Variants in SNX25 observed in about 807,000 individuals in gnomAD.
SNX25 encodes sorting nexin 25.
Under a neutral mutation model 113.7 loss-of-function variants are expected in SNX25, and 62 were observed. The ratio of observed to expected loss-of-function variants is 0.55; its 90% confidence interval spans 0.44 to 0.67. The LOEUF (loss-of-function observed/expected upper bound fraction) is 0.67. Ranked by LOEUF, SNX25 falls within the 30% of genes least tolerant of loss-of-function variation. The pLI is 0.00. For missense variants in SNX25, 1,014 were observed against 1,161.0 expected (o/e 0.87, Z 1.84); for synonymous variants, 421 against 436.2 (o/e 0.97, Z 0.43).
rs58762122 is a variant in SNX25, at chr4:185,300,840, G to GACACACACACACACACACAC, written c.1163-9779_1163-9760dup. 5.5e-3 allele frequency among the ~76,000 whole-genome samples: 773 copies of GACACACACACACACACACAC among 140,760 alleles called. 5 individuals carry two copies. Among genetic ancestry groups the GACACACACACACACACACAC allele is most frequent in the Admixed American group, 0.011 (156 of 13,766 alleles). The allele number at this position is 140,760 out of a possible 152,430, so 92.3% of individuals were successfully genotyped here. A position where few individuals can be genotyped will look rare whatever the true frequency, so the allele number is the denominator to read the frequency against. ...ATGCCTGTGGTATTATGATTATTAT[G>GACACACACACACACACACAC]ACACACACACACACACACACACACA... On this transcript the variant is annotated intron_variant, in intron 6 of 18. Transcript: ENST00000652585.
At chr4:185,295,049 C>T (rs897813513) in intron 6 of SNX25, among the ~76,000 whole-genome samples, 18 of 152,070 alleles carry the variant, frequency 1.2e-4, no homozygotes, top group African/African-American at 4.3e-4. Context: ...GATTGACCTT[C>T]CCTTTAATTT....
rs560255188 is a variant in SNX25, at chr4:185,326,501, TGACAAG to T, written c.1749+2704_1749+2709del. On this transcript the variant is annotated intron_variant, in intron 9 of 18. Coordinates refer to ENST00000652585, the MANE Select transcript of SNX25 (RefSeq NM_001378034.2). ...GGGTAGCCATAGTTAAAGACACAAT[TGACAAG>T]GAAATCTGTTACCTGTGTGGCACAA... Among the ~76,000 whole-genome samples the T allele has an allele frequency of 2.3e-3, 357 of 152,252 alleles. 1 individual carries two copies. Among genetic ancestry groups the T allele is most frequent in the Non-Finnish European group, 2.2e-3 (148 of 68,004 alleles).
intron 6 of SNX25, among the ~76,000 whole-genome samples, chr4:185,288,855 C>T (rs1330018300): frequency 6.6e-6 from 1 of 152,208 alleles, no homozygotes. Context: ...GCAGCAAACA[C>T]TGCTTTCACC....
intron 1 of SNX25, among the ~76,000 whole-genome samples, chr4:185,239,200 T>TG (rs1263737992): frequency 1.3e-5 from 2 of 152,146 alleles, no homozygotes; most frequent in Non-Finnish European, 2.9e-5. Context: ...AAAAGTTTTC[T>TG]GCCAGGCGCG....
intron 13 of SNX25, among the ~76,000 whole-genome samples, chr4:185,347,348 G>C (rs1299671675): frequency 5.3e-5 from 8 of 152,194 alleles, no homozygotes; most frequent in African/African-American, 1.9e-4. Flanking sequence ...TAAGGGTTCT[G>C]ATTGCTCCAC....
chr4:185,321,026 C>T (rs556247491), intron 8 of SNX25, among the ~76,000 whole-genome samples, 162 bp downstream of exon 8: 1 of 152,128 alleles, frequency 6.6e-6, no homozygotes, highest in South Asian at 2.1e-4. Flanking sequence ...AATAAAATTA[C>T]ATTATATTTT....
intron 9 of SNX25, 148 bp downstream of exon 9, chr4:185,323,948 A>G (rs1432246171): frequency 2.5e-6 from 2 of 787,956 alleles, no homozygotes; most frequent in Non-Finnish European, 4.0e-6. Flanking sequence ...GCATCGTTTA[A>G]TATACAAGAC....
chr4:185,304,744 C>T (rs562961719), intron 6 of SNX25, among the ~76,000 whole-genome samples: 1 of 152,296 alleles, frequency 6.6e-6, no homozygotes, highest in Admixed American at 6.5e-5. Context: ...CCACTTCAGC[C>T]CTGCACAGTG....
chr4:185,255,166 C>T (rs911845037), intron 2 of SNX25, among the ~76,000 whole-genome samples: 1 of 151,874 alleles, frequency 6.6e-6, no homozygotes, highest in African/African-American at 2.4e-5. Context: ...CAGAGTCTCG[C>T]TCTGTCGCCC....
chr4:185,254,122 C>G (rs906829474), intron 2 of SNX25, among the ~76,000 whole-genome samples: 5 of 152,120 alleles, frequency 3.3e-5, no homozygotes, highest in African/African-American at 1.2e-4. Context: ...ATGACTTTTC[C>G]CACCCTTTAG....
chr4:185,342,160 GA>G, intron 12 of SNX25, 44 bp downstream of exon 12: 1 of 1,477,210 alleles, frequency 6.8e-7, no homozygotes, highest in Non-Finnish European at 9.0e-7. Flanking sequence ...TACTGCACAA[GA>G]GCTCATTTCA....
At chr4:185,378,511 A>C in the SNX25 span, 1 of 1,072,672 alleles carries the variant, frequency 9.3e-7, no homozygotes, top group Non-Finnish European at 1.1e-6. Context: ...CACCCAGCAC[A>C]AGTGTTGCCA....
At position 185,341,908 on chromosome 4, in the gene SNX25, T is replaced by TA. The variant is rs746022916; in HGVS notation, c.2047-67dup. ...AGGGAAATCTCCTTAGGGGGACACT[T>TA]ACAGATCTTCCTTCTGCATCCATTC... On this transcript the variant is annotated intron_variant, in intron 11 of 18. Transcript: ENST00000652585. 117 of 1,512,914 alleles carry TA rather than the reference T, an allele frequency of 7.7e-5. No individual in the cohort carries two copies. In the African/African-American group the frequency reaches 1.3e-3, roughly 17 times the overall value. 93.7% of individuals were successfully genotyped at this position (1,512,914 alleles called of 1,614,324 possible).
intron 15 of SNX25, among the ~76,000 whole-genome samples, chr4:185,357,243 G>A (rs1445852312): frequency 2.0e-5 from 3 of 152,150 alleles, no homozygotes; most frequent in Admixed American, 6.5e-5. Flanking sequence ...AGACCCATCC[G>A]TTCATTAATA....
chr4:185,346,545 T>G lies in SNX25; in HGVS notation c.2196T>G (p.Pro732=). ...ATTTTTTCCCCCCACAGTGCGTCCC[T>G]TCTTTAAAAAAAGTCCAGTTGCCTT... ...NLHRKLSECV[P]SLKKVQLPSL... The change falls in exon 13 of 19, where the codon CCT becomes CCG. Residue 732 remains proline (P), a synonymous_variant. Coordinates refer to ENST00000652585, the MANE Select transcript of SNX25 (RefSeq NM_001378034.2). 1 of 1,591,912 alleles carries G rather than the reference T, an allele frequency of 6.3e-7. No individual in the cohort carries two copies. The highest frequency in any genetic ancestry group is 1.7e-4 in the Middle Eastern group (1 of 6,030).
intron 6 of SNX25, among the ~76,000 whole-genome samples, chr4:185,288,499 C>CT (rs917201462): frequency 1.3e-5 from 2 of 150,334 alleles, no homozygotes; most frequent in African/African-American, 4.9e-5. Context: ...CCTTATTTTC[C>CT]TTTTTTAAGC....
At chr4:185,284,942 T>C (rs948142340) in intron 5 of SNX25, among the ~76,000 whole-genome samples, 1 of 152,094 alleles carries the variant, frequency 6.6e-6, no homozygotes, top group African/African-American at 2.4e-5. Context: ...AAGATGATTT[T>C]GAGAAGGATG....
At chr4:185,268,701 C>G (rs1033864692) in intron 5 of SNX25, among the ~76,000 whole-genome samples, 1 of 152,082 alleles carries the variant, frequency 6.6e-6, no homozygotes, top group Non-Finnish European at 1.5e-5. Flanking sequence ...ATGACTCATG[C>G]TGTTTAATTT....
chr4:185,347,716 C>G (rs1229217945), intron 13 of SNX25, among the ~76,000 whole-genome samples: 1 of 152,162 alleles, frequency 6.6e-6, no homozygotes, highest in Non-Finnish European at 1.5e-5. Flanking sequence ...GATGATCTGC[C>G]CACCTCGACC....
Sources: gnomAD v4.1 joint callset for allele counts (sites outside exome capture counted in the v4.1 genomes callset) on GRCh38, gnomAD v4.1.1 for gene constraint, MANE v1.5 for transcripts, NCBI Gene and HGNC (gene_info 2026-07-23, HGNC 2026-07-21) for gene names.